CSPP1: variants seen among roughly 807,000 people sequenced by gnomAD.
The protein encoded by CSPP1 is centrosome and spindle pole associated protein 1, also known as centrosome and spindle pole-associated protein 1.
Under a neutral mutation model 164.4 loss-of-function variants are expected in CSPP1, and 126 were observed. That is an observed-to-expected ratio of 0.77 (90% CI 0.66 to 0.89). The LOEUF is 0.89. Among genes scored for constraint, CSPP1 ranks in the 40% least tolerant of loss-of-function variants. CSPP1 has a pLI of 0.00. For synonymous variants in CSPP1, 472 were observed against 476.7 expected, an observed-to-expected ratio of 0.99 and a Z score of 0.13; for missense variants, 1,395 against 1,449.8, an observed-to-expected ratio of 0.96 and a Z score of 0.61.
At chr8:67,175,650 G>A (rs1241831653) in intron 26 of CSPP1, 5 of 672,624 alleles carry the variant, frequency 7.4e-6, no homozygotes, top group Middle Eastern at 2.4e-4. Context: ...TGCATGAGAG[G>A]GGCCCAGTCA....
At chr8:67,191,359 T>G (rs951402598) in intron 29 of CSPP1, among the ~76,000 whole-genome samples, 1 of 152,232 alleles carries the variant, frequency 6.6e-6, no homozygotes, top group African/African-American at 2.4e-5. Context: ...CATTTAGCAC[T>G]GAGCCAAGTA....
intron 7 of CSPP1, 28 bp from the exon 8 acceptor site, chr8:67,103,009 A>G (rs745530228): frequency 1.4e-6 from 2 of 1,382,720 alleles, no homozygotes; most frequent in Admixed American, 3.4e-5. Context: ...TATGTGGCAC[A>G]TGCTTTATAA....
chr8:67,121,989 A>T (rs1819065925), intron 15 of CSPP1, among the ~76,000 whole-genome samples: 2 of 151,966 alleles, frequency 1.3e-5, no homozygotes, highest in South Asian at 4.2e-4. Context: ...TCTTATTTTT[A>T]AAAGATTAAT....
In CSPP1 at chr8:67,105,943, A is replaced by G. The variant is rs146127619; in HGVS notation, c.1061A>G (p.Asp354Gly). 1.5e-4 allele frequency: 239 copies of G among 1,595,590 alleles called. No individual in the cohort carries two copies. The African/African-American group carries it at 2.9e-3, about 19-fold the overall frequency. Residue 354 changes from aspartate (D) to glycine (G), a missense_variant, in exon 9 of 31, where the codon GAT (aspartate) becomes GGT (glycine). Physicochemically the swap from Asp to Gly is moderately conservative, Grantham distance 94 (BLOSUM62 -1). Transcript: ENST00000678616. ...DNETSKSANQDTCSPFAGMLF... is the reference protein window; with the variant it reads ...DNETSKSANQGTCSPFAGMLF... Reference sequence around the variant, plus strand: ...GAAACATCCAAATCTGCTAATCAAGATACCTGTAGTCCTTTTGCAGGGATG... The same window carrying G: ...GAAACATCCAAATCTGCTAATCAAGGTACCTGTAGTCCTTTTGCAGGGATG...
At chr8:67,152,925 C>T (rs539136756) in intron 18 of CSPP1, among the ~76,000 whole-genome samples, 25 of 152,234 alleles carry the variant, frequency 1.6e-4, no homozygotes, top group African/African-American at 4.6e-4. Flanking sequence ...AGGCTGGGCA[C>T]GCTGGCTCAC....
chr8:67,159,851 TTTTTC>T (rs1467444298), intron 21 of CSPP1, among the ~76,000 whole-genome samples: 2 of 90,904 alleles, frequency 2.2e-5, no homozygotes, highest in African/African-American at 6.5e-5. Context: ...TCTTTCTTTC[TTTTTC>T]TTTCTTTCTT....
chr8:67,183,871 T>C (rs936198088), intron 28 of CSPP1, among the ~76,000 whole-genome samples: 44 of 144,300 alleles, frequency 3.0e-4, no homozygotes, highest in Middle Eastern at 3.5e-3. Flanking sequence ...TTTTTTTTTT[T>C]AGACAAAGTC....
chr8:67,094,912 TA>T (rs1812422593), intron 6 of CSPP1, among the ~76,000 whole-genome samples: 1 of 152,216 alleles, frequency 6.6e-6, no homozygotes, highest in African/African-American at 2.4e-5. Flanking sequence ...TCATTTACTA[TA>T]AATGGATCAT....
chr8:67,182,819 T>A (rs1394655823), intron 28 of CSPP1, among the ~76,000 whole-genome samples: 2 of 152,232 alleles, frequency 1.3e-5, no homozygotes, highest in Non-Finnish European at 2.9e-5. Flanking sequence ...TGCTAATTTT[T>A]AAAATCAGAG....
intron 27 of CSPP1, among the ~76,000 whole-genome samples, chr8:67,179,030 C>G (rs564563416): frequency 2.8e-4 from 43 of 152,166 alleles, no homozygotes; most frequent in Non-Finnish European, 4.9e-4. Context: ...TGCAGTGCAT[C>G]ATTGTAATTC....
chr8:67,098,134 A>G (rs1481644232), intron 7 of CSPP1, among the ~76,000 whole-genome samples: 3 of 151,440 alleles, frequency 2.0e-5, no homozygotes, highest in African/African-American at 7.3e-5. Context: ...AAATTTTGAG[A>G]CTAAAGAAAT....
chr8:67,107,662 G>A (rs1313929474), intron 9 of CSPP1, among the ~76,000 whole-genome samples: 1 of 152,108 alleles, frequency 6.6e-6, no homozygotes, highest in Non-Finnish European at 1.5e-5. Flanking sequence ...ATCTTCAGAT[G>A]GCTGTGATTG....
At chr8:67,138,037 C>T (rs1822709516) in intron 17 of CSPP1, among the ~76,000 whole-genome samples, 1 of 152,068 alleles carries the variant, frequency 6.6e-6, no homozygotes, top group Non-Finnish European at 1.5e-5. Flanking sequence ...TGCAATATAC[C>T]TGCTAATTGC....
At chr8:67,114,029 T>C in intron 11 of CSPP1, 167 bp downstream of exon 11, 1 of 486,388 alleles carries the variant, frequency 2.1e-6, no homozygotes, top group Non-Finnish European at 3.7e-6. Context: ...CTCTTAACTG[T>C]TATTTCCTTG....
At position 67,191,369 on chromosome 8, in the gene CSPP1, A is replaced by G. The variant is rs561625652; in HGVS notation, c.3330+610A>G. ...TGAAGCATTTAGCACTGAGCCAAGT[A>G]TGCAGAGACCTCACCAAGTAACAGA... On this transcript the variant is annotated intron_variant, in intron 29 of 30. Transcript: ENST00000678616. Among the ~76,000 whole-genome samples the G allele has an allele frequency of 3.9e-5, 6 of 152,378 alleles. No homozygotes were observed. In the South Asian group the frequency reaches 1.2e-3, roughly 32 times the overall value.
chr8:67,140,345 A>G (rs1823254963), intron 17 of CSPP1, among the ~76,000 whole-genome samples: 1 of 152,190 alleles, frequency 6.6e-6, no homozygotes, highest in Non-Finnish European at 1.5e-5. Flanking sequence ...TCAGCCTCCC[A>G]AAGTGCTGGG....
intron 7 of CSPP1, among the ~76,000 whole-genome samples, chr8:67,101,082 G>A (rs1489067057): frequency 6.6e-6 from 1 of 152,180 alleles, no homozygotes; most frequent in Non-Finnish European, 1.5e-5. Flanking sequence ...TCTCCCAGTG[G>A]TGTCACACAG....
In CSPP1 at chr8:67,188,575, A is replaced by G. The variant is rs186533378; in HGVS notation, c.3221-2075A>G. The stretch of plus-strand genomic sequence containing the variant: ...TCCCCTCCCATTGTATGGGAACTCT[A>G]TTTTCATTCTATTAAATCTTGGAAC... On this transcript the variant is annotated intron_variant, in intron 28 of 30. Coordinates refer to ENST00000678616, the MANE Select transcript of CSPP1 (RefSeq NM_001382391.1). 5.9e-4 allele frequency among the ~76,000 whole-genome samples: 90 copies of G among 152,238 alleles called. 1 individual carries two copies. The East Asian group carries it at 0.016, about 27-fold the overall frequency.
chr8:67,085,572 A>C (rs1810223054), intron 3 of CSPP1, among the ~76,000 whole-genome samples: 1 of 152,090 alleles, frequency 6.6e-6, no homozygotes, highest in Non-Finnish European at 1.5e-5. Context: ...GAAGATGTAA[A>C]GATAATTAGT....
Sources: allele counts gnomAD v4.1 joint callset (sites outside exome capture counted in the v4.1 genomes callset), GRCh38; gene constraint gnomAD v4.1.1; transcripts MANE v1.5; gene names NCBI Gene and HGNC (gene_info 2026-07-23, HGNC 2026-07-21).